The following PTPRQ variants were observed in gnomAD, a reference collection of about 807,000 sequenced individuals.
PTPRQ encodes the protein protein tyrosine phosphatase receptor type Q, also known as phosphatidylinositol phosphatase PTPRQ.
Under a neutral mutation model 246.0 loss-of-function variants are expected in PTPRQ, and 199 were observed. That is an observed-to-expected ratio of 0.81 (90% confidence interval 0.72 to 0.91). The LOEUF is 0.91. PTPRQ is among the 40% of genes least tolerant of loss of function. PTPRQ has a pLI of 0.00. For synonymous variants in PTPRQ, 869 were observed against 853.2 expected, an observed-to-expected ratio of 1.02 and a Z score of -0.32; for missense variants, 2,624 against 2,528.4, an observed-to-expected ratio of 1.04 and a Z score of -0.81.
chr12:80,570,700 G>C (rs1897120882), intron 25 of PTPRQ, among the ~76,000 whole-genome samples: 1 of 152,136 alleles, frequency 6.6e-6, no homozygotes, highest in Non-Finnish European at 1.5e-5. Context: ...TTTTCTTCTA[G>C]GGTTTTTAGG....
intron 30 of PTPRQ, among the ~76,000 whole-genome samples, chr12:80,617,744 T>C (rs1250374771): frequency 6.6e-6 from 1 of 151,468 alleles, no homozygotes; most frequent in Non-Finnish European, 1.5e-5. Flanking sequence ...ATGTTTTCTC[T>C]ACTAATACAC....
rs758549028 is a variant in PTPRQ, at chr12:80,634,977, A to G, written c.5819A>G (p.Tyr1940Cys). 2.6e-6 allele frequency: 4 copies of G among 1,550,840 alleles called. No individual in the cohort carries two copies. Among genetic ancestry groups the G allele is most frequent in the Admixed American group, 2.0e-5 (1 of 50,908 alleles). Residue 1940 changes from tyrosine to cysteine, a missense_variant, in exon 35 of 45, where the codon TAC (tyrosine) becomes TGC (cysteine). Coordinates refer to ENST00000644991, the MANE Select transcript of PTPRQ (RefSeq NM_001145026.2). Reference protein sequence around the residue: ...IRQKQKEGGTYSPQDAEIIDT... With the variant: ...IRQKQKEGGTCSPQDAEIIDT... ...CAGAAGCAGAAAGAAGGTGGCACAT[A>G]CTCTCCTCAGGATGCAGAAATTATT... is the stretch of plus-strand genomic sequence containing the variant.
intron 25 of PTPRQ, among the ~76,000 whole-genome samples, chr12:80,575,715 T>C (rs1175077217): frequency 6.6e-6 from 1 of 151,354 alleles, no homozygotes; most frequent in African/African-American, 2.4e-5. Flanking sequence ...GGCACATGCC[T>C]GTAATCCCAG....
intron 3 of PTPRQ, among the ~76,000 whole-genome samples, chr12:80,447,485 C>T (rs186797741): frequency 6.6e-6 from 1 of 152,030 alleles, no homozygotes; most frequent in African/African-American, 2.4e-5. Context: ...GTCCAATATC[C>T]AGAAGAGTTT....
intron 21 of PTPRQ, 59 bp downstream of exon 21, chr12:80,541,904 C>A: frequency 6.8e-7 from 1 of 1,474,948 alleles, no homozygotes; most frequent in Non-Finnish European, 8.9e-7. Flanking sequence ...ATTTACATTG[C>A]TTTCTGATAG....
chr12:80,444,326 G>T lies in PTPRQ; in HGVS notation c.-20G>T. On this transcript the variant is annotated 5_prime_UTR_variant, in exon 1 of 45. Coordinates refer to ENST00000644991, the MANE Select transcript of PTPRQ (RefSeq NM_001145026.2). ...CTAGAGCCATCAATGTGATTCTACTGGCTGAAAAATGTAATAAAGATGGAT... is the reference window on the plus strand; with the variant it reads ...CTAGAGCCATCAATGTGATTCTACTTGCTGAAAAATGTAATAAAGATGGAT... 1 of 1,321,470 alleles carries T rather than the reference G, an allele frequency of 7.6e-7. No homozygotes were observed. Among genetic ancestry groups the T allele is most frequent in the Non-Finnish European group, 1.1e-6 (1 of 941,160 alleles). 81.9% of individuals were successfully genotyped at this position (1,321,470 alleles called of 1,614,324 possible).
chr12:80,667,284 T>C (rs1262849660), intron 39 of PTPRQ, among the ~76,000 whole-genome samples: 1 of 151,960 alleles, frequency 6.6e-6, no homozygotes. Flanking sequence ...TTCAAAACTG[T>C]CTTCACATTA....
intron 17 of PTPRQ, among the ~76,000 whole-genome samples, chr12:80,521,584 T>G (rs1895488902): frequency 6.6e-6 from 1 of 152,086 alleles, no homozygotes; most frequent in Admixed American, 6.6e-5. Context: ...TACATATGGC[T>G]AGCCAGTTTT....
At position 80,619,490 on chromosome 12, in the gene PTPRQ, T is replaced by G. The variant is rs1898893200; in HGVS notation, c.5337T>G (p.Ser1779Arg). Residue 1779 changes from serine to arginine, a missense_variant, in exon 31 of 45, where the codon AGT (serine) becomes AGG (arginine). Transcript: ENST00000644991. Reference sequence around the variant, plus strand: ...TCAGAATGCCAATATGTTACTACAGTGATGATCATGGACCAATAAAAAATG... The same window carrying G: ...TCAGAATGCCAATATGTTACTACAGGGATGATCATGGACCAATAAAAAATG... ...ITIRMPICYY[S>R]DDHGPIKNVQ... 3.2e-6 allele frequency: 5 copies of G among 1,546,528 alleles called. No homozygotes were observed.
intron 6 of PTPRQ, among the ~76,000 whole-genome samples, chr12:80,461,774 A>T (rs1893178142): frequency 6.6e-6 from 1 of 151,540 alleles, no homozygotes; most frequent in South Asian, 2.1e-4. Context: ...TTTTCATTTC[A>T]TATAAGTTTG....
At position 80,679,287 on chromosome 12, in the gene PTPRQ, A is replaced by G. The variant is rs749359581; in HGVS notation, c.*264A>G. The G allele has an allele frequency of 3.3e-6, 1 of 303,918 alleles. No homozygotes were observed. The highest frequency in any genetic ancestry group is 5.9e-6 in the Non-Finnish European group (1 of 168,612). 18.8% of individuals were successfully genotyped at this position (303,918 alleles called of 1,614,324 possible). A position where few individuals can be genotyped will look rare whatever the true frequency, so the allele number is the denominator to read the frequency against. On this transcript the variant is annotated 3_prime_UTR_variant, in exon 45 of 45. Coordinates refer to ENST00000644991, the MANE Select transcript of PTPRQ (RefSeq NM_001145026.2). ...CCCATATGTTTTTGAAGTCCTCCAT[A>G]TTTTGGAATAAGCCAAATAGAAAAT...
intron 12 of PTPRQ, 61 bp downstream of exon 12, chr12:80,495,432 A>G: frequency 6.8e-7 from 1 of 1,461,164 alleles, no homozygotes; most frequent in South Asian, 1.5e-5. Flanking sequence ...TTCTGGTGGA[A>G]AATATGCCCA....
At chr12:80,491,333 T>A (rs1434584120) in intron 9 of PTPRQ, among the ~76,000 whole-genome samples, 1 of 151,936 alleles carries the variant, frequency 6.6e-6, no homozygotes, top group Non-Finnish European at 1.5e-5. Context: ...AACAGCTGTG[T>A]GGTTTGGGCA....
chr12:80,568,365 G>T (rs997212693), intron 25 of PTPRQ, among the ~76,000 whole-genome samples: 1 of 152,060 alleles, frequency 6.6e-6, no homozygotes. Flanking sequence ...TCAAAGTTTA[G>T]ATCAGTTTTC....
rs753552411 is a variant in PTPRQ, at chr12:80,541,693, A to G, written c.3293A>G (p.His1098Arg). ...CTGATCTTACAGCAGACTCCTCGCC[A>G]TGTGAGACCACCTCTTGTTACATAT... is the stretch of plus-strand genomic sequence containing the variant. ...VSLILQQTPR[H>R]VRPPLVTYER... Residue 1098 changes from histidine to arginine, a missense_variant, in exon 21 of 45, where the codon CAT (histidine) becomes CGT (arginine). Transcript: ENST00000644991. 3.6e-5 allele frequency: 56 copies of G among 1,551,250 alleles called. No individual in the cohort carries two copies. The highest frequency in any genetic ancestry group is 4.6e-5 in the Non-Finnish European group (53 of 1,146,732).
At chr12:80,479,235 G>T (rs1444376548) in intron 8 of PTPRQ, among the ~76,000 whole-genome samples, 2 of 148,884 alleles carry the variant, frequency 1.3e-5, no homozygotes, top group African/African-American at 2.5e-5. Context: ...CATTCTTAAA[G>T]AAAAGAATTT....
At chr12:80,575,036 G>A (rs953062552) in intron 25 of PTPRQ, among the ~76,000 whole-genome samples, 6 of 152,104 alleles carry the variant, frequency 3.9e-5, no homozygotes, top group Admixed American at 1.3e-4. Context: ...CTGCAGAATA[G>A]TTTGATATAA....
chr12:80,544,138 G>C (rs1198896432), intron 23 of PTPRQ, among the ~76,000 whole-genome samples: 1 of 152,088 alleles, frequency 6.6e-6, no homozygotes, highest in Non-Finnish European at 1.5e-5. Context: ...ACCTGGCTCA[G>C]ATTCTGCCTT....
chr12:80,614,255 G>A (rs1356884365), intron 29 of PTPRQ, among the ~76,000 whole-genome samples: 1 of 150,702 alleles, frequency 6.6e-6, no homozygotes, highest in South Asian at 2.1e-4. Flanking sequence ...TTTTAACCAA[G>A]TATTACTAAA....
Sources: gnomAD v4.1 joint callset for allele counts (sites outside exome capture counted in the v4.1 genomes callset) on GRCh38, gnomAD v4.1.1 for gene constraint, MANE v1.5 for transcripts, NCBI Gene and HGNC (gene_info 2026-07-23, HGNC 2026-07-21) for gene names.